Variants in CTNND2 observed in about 807,000 individuals in gnomAD.
The protein encoded by CTNND2 is catenin delta 2.
A neutral mutation model predicts 144.4 loss-of-function variants in CTNND2; 22 were observed. That is an observed-to-expected ratio of 0.15 (90% CI 0.11 to 0.22). The LOEUF (loss-of-function observed/expected upper bound fraction) is 0.22. Among genes scored for constraint, CTNND2 ranks in the 10% least tolerant of loss-of-function variants. The pLI is 1.00. For synonymous variants in CTNND2, 751 were observed against 695.6 expected (o/e 1.08, Z -1.25); for missense variants, 1,353 against 1,618.8 (o/e 0.84, Z 2.82).
At chr5:11,660,740 T>A (rs1391003507) in intron 2 of CTNND2, among the ~76,000 whole-genome samples, 1 of 152,182 alleles carries the variant, frequency 6.6e-6, no homozygotes, top group Non-Finnish European at 1.5e-5. Context: ...CTAGTTTGCA[T>A]GTGTGTGCAT....
At chr5:11,518,800 G>A (rs1772442990) in intron 3 of CTNND2, among the ~76,000 whole-genome samples, 1 of 152,160 alleles carries the variant, frequency 6.6e-6, no homozygotes, top group Non-Finnish European at 1.5e-5. Flanking sequence ...CTGGTGTGTA[G>A]TTGGCTAGAC....
chr5:11,378,105 T>C (rs1334410695), intron 7 of CTNND2, among the ~76,000 whole-genome samples: 1 of 151,968 alleles, frequency 6.6e-6, no homozygotes, highest in Admixed American at 6.6e-5. Flanking sequence ...TAACATGGGG[T>C]CCTGGAATTC....
chr5:11,286,982 T>C (rs1011684098), intron 9 of CTNND2, among the ~76,000 whole-genome samples: 4 of 152,086 alleles, frequency 2.6e-5, no homozygotes, highest in African/African-American at 9.7e-5. Flanking sequence ...AATGGAACAC[T>C]ACCAAGTAGG....
chr5:11,060,789 T>C (rs1008376404), intron 16 of CTNND2, among the ~76,000 whole-genome samples: 6 of 152,222 alleles, frequency 3.9e-5, no homozygotes, highest in Non-Finnish European at 5.9e-5. Flanking sequence ...TTACCTCTTG[T>C]CTTCTTTATT....
At chr5:11,308,157 A>G (rs1004034219) in intron 9 of CTNND2, among the ~76,000 whole-genome samples, 2 of 152,130 alleles carry the variant, frequency 1.3e-5, no homozygotes, top group African/African-American at 4.8e-5. Flanking sequence ...CAGCAGCCCA[A>G]CTGGGCTGGG....
In CTNND2 at chr5:11,192,567, C is replaced by G. The variant is rs910074731; in HGVS notation, c.1975+6881G>C. On this transcript the variant is annotated intron_variant, in intron 11 of 21. Coordinates refer to ENST00000304623, the MANE Select transcript of CTNND2 (RefSeq NM_001332.4). ...TTTAAAAGTAGAGAATCATTTCTGG[C>G]AGTGATCAGAGGAAAATGTGACCAT... Among the ~76,000 whole-genome samples the G allele has an allele frequency of 4.6e-5, 7 of 152,142 alleles. No homozygotes were observed. The East Asian group carries it at 1.4e-3, about 29-fold the overall frequency.
intron 1 of CTNND2, among the ~76,000 whole-genome samples, chr5:11,734,044 T>C (rs1275253951): frequency 6.6e-6 from 1 of 152,086 alleles, no homozygotes; most frequent in Non-Finnish European, 1.5e-5. Context: ...TTCTCTACCC[T>C]CCCACGATGT....
At chr5:11,593,000 G>C (rs1235267803) in intron 2 of CTNND2, among the ~76,000 whole-genome samples, 1 of 151,876 alleles carries the variant, frequency 6.6e-6, no homozygotes, top group Non-Finnish European at 1.5e-5. Context: ...CAGTGCAGAG[G>C]GAAAGATAGT....
intron 12 of CTNND2, among the ~76,000 whole-genome samples, chr5:11,142,445 A>T (rs2149736874): frequency 6.6e-6 from 1 of 152,258 alleles, no homozygotes; most frequent in South Asian, 2.1e-4. Context: ...TTGAAGAGCC[A>T]GGGAGAAGGG....
At chr5:11,450,938 G>T (rs1765263444) in intron 3 of CTNND2, among the ~76,000 whole-genome samples, 1 of 147,362 alleles carries the variant, frequency 6.8e-6, no homozygotes. Flanking sequence ...TTCCAAAGCA[G>T]CCATTTTATG....
At chr5:11,196,191 T>C (rs1166247645) in intron 11 of CTNND2, among the ~76,000 whole-genome samples, 2 of 152,372 alleles carry the variant, frequency 1.3e-5, no homozygotes, top group East Asian at 1.9e-4. Context: ...CTTGACATCA[T>C]AGGTTCTTCT....
At chr5:11,602,473 G>T (rs1187531443) in intron 2 of CTNND2, among the ~76,000 whole-genome samples, 2 of 151,604 alleles carry the variant, frequency 1.3e-5, no homozygotes, top group Non-Finnish European at 2.9e-5. Context: ...AAGAAACAAG[G>T]GCACTGCCCT....
intron 3 of CTNND2, among the ~76,000 whole-genome samples, chr5:11,489,692 T>C (rs1194123371): frequency 6.6e-6 from 1 of 152,184 alleles, no homozygotes. Flanking sequence ...GCTGCCCACA[T>C]AACATTTACA....
chr5:10,990,111 A>C (rs923812453), intron 19 of CTNND2, among the ~76,000 whole-genome samples: 1 of 152,240 alleles, frequency 6.6e-6, no homozygotes, highest in African/African-American at 2.4e-5. Flanking sequence ...CTTGTAGGAC[A>C]AGCCTGGAGC....
chr5:11,588,559 T>C (rs565619970), intron 2 of CTNND2, among the ~76,000 whole-genome samples: 1 of 152,348 alleles, frequency 6.6e-6, no homozygotes, highest in Admixed American at 6.5e-5. Context: ...AATTTCAATG[T>C]TCAGATGCTG....
chr5:11,748,314 A>G (rs1788427151), intron 1 of CTNND2, among the ~76,000 whole-genome samples: 2 of 152,114 alleles, frequency 1.3e-5, no homozygotes. Context: ...ACATGACTTT[A>G]AAAGTAAGCT....
rs1414382628 is a variant in CTNND2 at position 10,973,996 on chromosome 5, T to A, written c.3418-283A>T. On this transcript the variant is annotated intron_variant, in intron 21 of 21. Transcript: ENST00000304623. The surrounding 1 kb of genome is among the most constrained non-coding windows in gnomAD (Gnocchi z 5.6). ...ATGTTGAAGTGTAAGATTAATTAGG[T>A]GGCATTAAGAACATTCACAGTGTTG... is the stretch of plus-strand genomic sequence containing the variant. 1.3e-5 allele frequency among the ~76,000 whole-genome samples: 2 copies of A among 152,232 alleles called. No individual in the cohort carries two copies. The highest frequency in any genetic ancestry group is 2.9e-5 in the Non-Finnish European group (2 of 68,038).
At chr5:11,627,841 G>T (rs1330113186) in intron 2 of CTNND2, among the ~76,000 whole-genome samples, 1 of 150,460 alleles carries the variant, frequency 6.6e-6, no homozygotes, top group African/African-American at 2.5e-5. Context: ...CCATCTGGGG[G>T]TGATGGGAGA....
chr5:11,280,666 G>A (rs924900754), intron 9 of CTNND2, among the ~76,000 whole-genome samples: 1 of 152,160 alleles, frequency 6.6e-6, no homozygotes, highest in African/African-American at 2.4e-5. Context: ...TTTTTTGGAA[G>A]GGAAACACAA....
Sources: gnomAD v4.1 joint callset for allele counts (sites outside exome capture counted in the v4.1 genomes callset) on GRCh38, gnomAD v4.1.1 for gene constraint, Gnocchi (gnomAD v3.1) non-coding constraint, MANE v1.5 for transcripts, NCBI Gene and HGNC (gene_info 2026-07-23, HGNC 2026-07-21) for gene names.